Variants in TNXB observed in about 807,000 individuals in gnomAD.
TNXB encodes the protein tenascin-X.
A neutral mutation model predicts 340.5 loss-of-function variants in TNXB; 183 were observed. The observed-to-expected ratio is 0.54, with a 90% CI of 0.48 to 0.61. The LOEUF (loss-of-function observed/expected upper bound fraction) is 0.61, where lower values mean the gene tolerates loss of function less well. Among genes scored for constraint, TNXB ranks in the 20% least tolerant of loss-of-function variants. TNXB has a pLI of 0.00. For synonymous variants in TNXB, 2,121 were observed against 2,314.5 expected (o/e 0.92, Z 2.40); for missense variants, 4,613 against 5,446.4 (o/e 0.85, Z 4.82).
In TNXB at chr6:32,103,727, CT is replaced by C. The variant is rs28986186; in HGVS notation, c.-9+5453del. On this transcript the variant is annotated intron_variant, in intron 1 of 43. Coordinates refer to ENST00000644971, the MANE Select transcript of TNXB (RefSeq NM_001365276.2). ...AATCACTAGACACAGTTCACCGCAT[CT>C]TTTTTTTTTTTTTTTTTTTTGAGAT... 6.2e-3 allele frequency among the ~76,000 whole-genome samples: 761 copies of C among 123,424 alleles called. 1 individual carries two copies. Among genetic ancestry groups the C allele is most frequent in the Middle Eastern group, 0.026 (6 of 232 alleles). The allele number at this position is 123,424 out of a possible 152,430, so 81.0% of individuals were successfully genotyped here.
intron 3 of TNXB, 116 bp from the exon 4 acceptor site, chr6:32,095,307 C>T (rs1333535602): frequency 4.9e-6 from 4 of 809,952 alleles, no homozygotes; most frequent in African/African-American, 3.4e-5. Context: ...CTCCTCTCTG[C>T]TAGTGGAGAA....
In TNXB at chr6:32,061,305, C is replaced by T; in HGVS notation, c.7492+92G>A. Reference sequence around the variant, plus strand: ...GGAGGGCAGGACACAGGAGACAAGTCTGGACCCACAGGGCTTGGTGAAAGG... The same window carrying T: ...GGAGGGCAGGACACAGGAGACAAGTTTGGACCCACAGGGCTTGGTGAAAGG... On this transcript the variant is annotated intron_variant, in intron 21 of 43. Coordinates refer to ENST00000644971, the MANE Select transcript of TNXB (RefSeq NM_001365276.2). This position sits in a 1 kb window ranked among gnomAD's most constrained non-coding sequence, Gnocchi z 4.4. 1 of 1,533,118 alleles carries T rather than the reference C, an allele frequency of 6.5e-7. No homozygotes were observed. Among genetic ancestry groups the T allele is most frequent in the East Asian group, 2.3e-5 (1 of 44,246 alleles). The allele number at this position is 1,533,118 out of a possible 1,614,324, so 95.0% of individuals were successfully genotyped here.
At chr6:32,103,684 A>C (rs1780836367) in intron 1 of TNXB, among the ~76,000 whole-genome samples, 1 of 147,388 alleles carries the variant, frequency 6.8e-6, no homozygotes, top group Admixed American at 6.8e-5. Context: ...ATCTTGCTTG[A>C]CCTTTGACTT....
chr6:32,055,486 C>T (rs1318943481), intron 24 of TNXB, among the ~76,000 whole-genome samples: 1 of 152,194 alleles, frequency 6.6e-6, no homozygotes, highest in East Asian at 1.9e-4. Context: ...CTGCCCCTCA[C>T]TGCCTTCTGT....
At position 32,067,135 on chromosome 6, in the gene TNXB, G is replaced by GAAAGAAAGAA. The variant is rs28383873; in HGVS notation, c.6544+516_6544+525dup. On this transcript the variant is annotated intron_variant, in intron 18 of 43. Coordinates refer to ENST00000644971, the MANE Select transcript of TNXB (RefSeq NM_001365276.2). This position sits in a 1 kb window ranked among gnomAD's most constrained non-coding sequence, Gnocchi z 4.2. ...AAAGAGAAAGAAAGAAAGGAAGGAA[G>GAAAGAAAGAA]AAAGAAAGAAAGAAAGAAAGAAAGA... is the stretch of plus-strand genomic sequence containing the variant. Among the ~76,000 whole-genome samples the GAAAGAAAGAA allele has an allele frequency of 8.5e-5, 9 of 106,290 alleles. No individual in the cohort carries two copies. Among genetic ancestry groups the GAAAGAAAGAA allele is most frequent in the African/African-American group, 3.4e-4 (8 of 23,562 alleles). 69.7% of individuals were successfully genotyped at this position (106,290 alleles called of 152,430 possible). A position where few individuals can be genotyped will look rare whatever the true frequency, so the allele number is the denominator to read the frequency against.
rs1313280590 is a variant in TNXB at position 32,082,582 on chromosome 6, G to A, written c.3446-256C>T. On this transcript the variant is annotated intron_variant, in intron 8 of 43. Coordinates refer to ENST00000644971, the MANE Select transcript of TNXB (RefSeq NM_001365276.2). This position sits in a 1 kb window ranked among gnomAD's most constrained non-coding sequence, Gnocchi z 5.0. ...GCATGGAAGCACTGCGTGGACTAGT[G>A]TGGCTCTGCCTCCAACCACAAACCA... Among the ~76,000 whole-genome samples, 2 of 152,120 alleles carry A rather than the reference G, an allele frequency of 1.3e-5. No homozygotes were observed. The highest frequency in any genetic ancestry group is 2.4e-5 in the African/African-American group (1 of 41,408).
In TNXB at chr6:32,043,794, G is replaced by A. The variant is rs1318047236; in HGVS notation, c.11485C>T (p.Arg3829Ter). The change falls in exon 35 of 44, where the codon CGA becomes TGA. Residue 3829 changes from arginine to a stop codon, truncating the protein, a stop_gained. Coordinates refer to ENST00000644971, the MANE Select transcript of TNXB (RefSeq NM_001365276.2). LOFTEE classifies it high-confidence loss of function. Reference protein sequence around the residue: ...ARYEVTVVSVRGFEESEPLTG... With the variant: ...ARYEVTVVSV ...AGAGGCTCACTCTCCTCAAAGCCTC[G>A]GACCGAGACCACGGTCACCTCATAG... 5 of 1,613,336 alleles carry A rather than the reference G, an allele frequency of 3.1e-6. No homozygotes were observed. Among genetic ancestry groups the A allele is most frequent in the South Asian group, 1.1e-5 (1 of 91,086 alleles).
Position 32,097,117 on chromosome 6 carries a change from G to T in TNXB, c.736C>A (p.Gln246Lys). ...CTGCAACCTCGAGGGCAGGAGCGCTGGCTGCAGTCGGGGCCTGAGAAGCCT... is the reference window on the plus strand; with the variant it reads ...CTGCAACCTCGAGGGCAGGAGCGCTTGCTGCAGTCGGGGCCTGAGAAGCCT... ...RAGFSGPDCS[Q>K]RSCPRGCSQR... The change falls in exon 3 of 44, where the codon CAG (glutamine) becomes AAG (lysine). Residue 246 changes from glutamine to lysine, a missense_variant. Coordinates refer to ENST00000644971, the MANE Select transcript of TNXB (RefSeq NM_001365276.2). This position sits in a 1 kb window ranked among gnomAD's most constrained non-coding sequence, Gnocchi z 5.9. The T allele has an allele frequency of 6.2e-7, 1 of 1,610,386 alleles. No homozygotes were observed. The highest frequency in any genetic ancestry group is 1.7e-5 in the Admixed American group (1 of 59,548).
chr6:32,049,204 C>G lies in TNXB; in HGVS notation c.9757+66G>C, dbSNP rs1466929552. 6.5e-7 allele frequency: 1 copy of G among 1,529,044 alleles called. No individual in the cohort carries two copies. Among genetic ancestry groups the G allele is most frequent in the Non-Finnish European group, 8.8e-7 (1 of 1,138,306 alleles). The allele number at this position is 1,529,044 out of a possible 1,614,324, so 94.7% of individuals were successfully genotyped here. On this transcript the variant is annotated intron_variant, in intron 28 of 43. Coordinates refer to ENST00000644971, the MANE Select transcript of TNXB (RefSeq NM_001365276.2). This position sits in a 1 kb window ranked among gnomAD's most constrained non-coding sequence, Gnocchi z 4.5. Reference sequence around the variant, plus strand: ...GCCCAGTCAAAAGAGGTGCCAAGATCCAAAGGAGAAACACAAGGGGGCTGC... The same window carrying G: ...GCCCAGTCAAAAGAGGTGCCAAGATGCAAAGGAGAAACACAAGGGGGCTGC...
rs766469380 is a variant in TNXB at position 32,095,718 on chromosome 6, G to A, written c.2135C>T (p.Pro712Leu). ...TGGGCATGTCTGGATGGCACAGTCA[G>A]GGCCTCGGAAGCCCTCTACACACAC... ...QCVCVEGFRGPDCAIQTCPGD... is the reference protein window; with the variant it reads ...QCVCVEGFRGLDCAIQTCPGD... The change falls in exon 3 of 44, where the codon CCT becomes CTT. Residue 712 changes from proline (P) to leucine (L), a missense_variant. Physicochemically the swap from Pro to Leu is moderately conservative, Grantham distance 98. Coordinates refer to ENST00000644971, the MANE Select transcript of TNXB (RefSeq NM_001365276.2). 34 of 1,612,854 alleles carry A rather than the reference G, an allele frequency of 2.1e-5. No individual in the cohort carries two copies. Among genetic ancestry groups the A allele is most frequent in the Non-Finnish European group, 2.9e-5 (34 of 1,179,532 alleles).
Position 32,062,977 on chromosome 6 carries a change from C to T in TNXB, c.6842-494G>A, listed in dbSNP as rs1219710148. Among the ~76,000 whole-genome samples, 2 of 152,070 alleles carry T rather than the reference C, an allele frequency of 1.3e-5. No individual in the cohort carries two copies. The highest frequency in any genetic ancestry group is 4.8e-5 in the African/African-American group (2 of 41,372). On this transcript the variant is annotated intron_variant, in intron 19 of 43. Coordinates refer to ENST00000644971, the MANE Select transcript of TNXB (RefSeq NM_001365276.2). This position sits in a 1 kb window ranked among gnomAD's most constrained non-coding sequence, Gnocchi z 4.3. ...GGCTGAGGCAGGAGAATGGCATGAA[C>T]CCAGGAGGCGGAGCTTGCGGTGAGC... is the stretch of plus-strand genomic sequence containing the variant.
Position 32,095,708 on chromosome 6 carries a change from G to GA in TNXB, c.2144_2145insT (p.Ile716HisfsTer38). 6.2e-7 allele frequency: 1 copy of GA among 1,612,890 alleles called. No individual in the cohort carries two copies. Among genetic ancestry groups the GA allele is most frequent in the Non-Finnish European group, 8.5e-7 (1 of 1,179,536 alleles). ...GGCAGTCCCCTGGGCATGTCTGGATGGCACAGTCAGGGCCTCGGAAGCCCT... is the reference window on the plus strand; with the variant it reads ...GGCAGTCCCCTGGGCATGTCTGGATGAGCACAGTCAGGGCCTCGGAAGCCCT... On this transcript the variant is annotated frameshift_variant, in exon 3 of 44. Transcript: ENST00000644971. LOFTEE classifies it high-confidence loss of function.
rs116496054 is a variant in TNXB, at chr6:32,085,566, C to T, written c.3148+184G>A. Among the ~76,000 whole-genome samples the T allele has an allele frequency of 0.013, 2,026 of 152,236 alleles. 36 individuals carry two copies. The highest frequency in any genetic ancestry group is 0.036 in the Admixed American group (557 of 15,292). The stretch of plus-strand genomic sequence containing the variant: ...CCATCCTTATCATTGTTTTAAGATC[C>T]CCCTCGATCCATCTTCCTGCTGAAC... On this transcript the variant is annotated intron_variant, in intron 7 of 43. Transcript: ENST00000644971. This position sits in a 1 kb window ranked among gnomAD's most constrained non-coding sequence, Gnocchi z 6.4.
chr6:32,052,725 C>T lies in TNXB; in HGVS notation c.9060G>A (p.Leu3020=). Residue 3020 remains leucine, a synonymous_variant, in exon 26 of 44, where the codon CTG becomes CTA. Coordinates refer to ENST00000644971, the MANE Select transcript of TNXB (RefSeq NM_001365276.2). This position sits in a 1 kb window ranked among gnomAD's most constrained non-coding sequence, Gnocchi z 4.7. ...LEPGCKYKMH[L]YGLHEGQRVG... ...CGCGCTGCCCCTCGTGGAGGCCGTA[C>T]AGGTGCATCTTGTATTTGCACCCGG... The T allele has an allele frequency of 1.9e-6, 3 of 1,613,816 alleles. No homozygotes were observed. Among genetic ancestry groups the T allele is most frequent in the Non-Finnish European group, 2.5e-6 (3 of 1,179,878 alleles).
Position 32,069,880 on chromosome 6 carries a change from G to A in TNXB, c.5279-19C>T. ...CGGGCTTCTGAGATGGAGACACGGA[G>A]AGGAAACGGCTGAGCTGTTTCTGGA... is the stretch of plus-strand genomic sequence containing the variant. On this transcript the variant is annotated intron_variant, in intron 14 of 43. Coordinates refer to ENST00000644971, the MANE Select transcript of TNXB (RefSeq NM_001365276.2). The surrounding 1 kb of genome is among the most constrained non-coding windows in gnomAD (Gnocchi z 6.2). The A allele has an allele frequency of 6.4e-7, 1 of 1,571,508 alleles. No individual in the cohort carries two copies. Among genetic ancestry groups the A allele is most frequent in the Non-Finnish European group, 8.6e-7 (1 of 1,156,116 alleles).
chr6:32,065,975 T>A (rs967385493), intron 18 of TNXB, among the ~76,000 whole-genome samples: 1 of 152,204 alleles, frequency 6.6e-6, no homozygotes, highest in Non-Finnish European at 1.5e-5. Flanking sequence ...TAAAAATAAT[T>A]TTTTTAAAAA....
At position 32,098,092 on chromosome 6, in the gene TNXB, G is replaced by T. The variant is rs1445990247; in HGVS notation, c.107C>A (p.Ala36Asp). 5 of 1,605,040 alleles carry T rather than the reference G, an allele frequency of 3.1e-6. No individual in the cohort carries two copies. Among genetic ancestry groups the T allele is most frequent in the Non-Finnish European group, 4.2e-6 (5 of 1,176,670 alleles). Residue 36 changes from alanine (A) to aspartate (D), a missense_variant, in exon 2 of 44, where the codon GCC (alanine) becomes GAC (aspartate). By Grantham distance (126) the Ala-to-Asp change is moderately radical. This residue lies in a region of TNXB where 4,327 missense variants were observed against 4,859.4 expected (regional missense o/e 0.89). Coordinates refer to ENST00000644971, the MANE Select transcript of TNXB (RefSeq NM_001365276.2). Reference sequence around the variant, plus strand: ...CCCTGGCTGGGGAGGGGGCCGGGGGGCTGGCAGTGTCACATTGGACCGTGA... The same window carrying T: ...CCCTGGCTGGGGAGGGGGCCGGGGGTCTGGCAGTGTCACATTGGACCGTGA... ...FSSRSNVTLP[A>D]PRPPPQPGGH...
In TNXB at chr6:32,079,843, G is replaced by A. The variant is rs1029459509; in HGVS notation, c.4043-478C>T. Among the ~76,000 whole-genome samples the A allele has an allele frequency of 1.3e-5, 2 of 152,228 alleles. No homozygotes were observed. The highest frequency in any genetic ancestry group is 4.8e-5 in the African/African-American group (2 of 41,456). On this transcript the variant is annotated intron_variant, in intron 10 of 43. Coordinates refer to ENST00000644971, the MANE Select transcript of TNXB (RefSeq NM_001365276.2). This position sits in a 1 kb window ranked among gnomAD's most constrained non-coding sequence, Gnocchi z 7.1. ...TGCTAAGGCAGGGCTCCAGGCATGA[G>A]TGGGAGAAAAATTCTGGGGTGAGTG...
At position 32,106,122 on chromosome 6, in the gene TNXB, G is replaced by C. The variant is rs532688907; in HGVS notation, c.-9+3059C>G. Among the ~76,000 whole-genome samples, 386 of 140,122 alleles carry C rather than the reference G, an allele frequency of 2.8e-3. 2 individuals are homozygous for C. The highest frequency in any genetic ancestry group is 9.3e-3 in the African/African-American group (352 of 38,000). 91.9% of individuals were successfully genotyped at this position (140,122 alleles called of 152,430 possible). ...GATACTCTTGAGGGGGTAGTGACTA[G>C]TAGGGGCATGGGGGGGGGGGCTTCT... is the stretch of plus-strand genomic sequence containing the variant. On this transcript the variant is annotated intron_variant, in intron 1 of 43. Coordinates refer to ENST00000644971, the MANE Select transcript of TNXB (RefSeq NM_001365276.2).
Sources: gnomAD v4.1 joint callset for allele counts (sites outside exome capture counted in the v4.1 genomes callset) on GRCh38, gnomAD v4.1.1 for gene constraint, gnomAD v4.1.1 regional missense constraint, Gnocchi (gnomAD v3.1) non-coding constraint, MANE v1.5 for transcripts, NCBI Gene and HGNC (gene_info 2026-07-23, HGNC 2026-07-21) for gene names.